MYO6: variants seen among roughly 807,000 people sequenced by gnomAD.
MYO6 encodes myosin VI.
A neutral mutation model predicts 178.7 loss-of-function variants in MYO6; 74 were observed. The observed-to-expected ratio is 0.41, with a 90% CI of 0.34 to 0.50. The LOEUF is 0.50. Ranked by LOEUF, MYO6 falls within the 20% of genes least tolerant of loss-of-function variation. MYO6 has a pLI of 0.09. For synonymous variants in MYO6, 477 were observed against 504.6 expected, an observed-to-expected ratio of 0.95 and a Z score of 0.73; for missense variants, 1,330 against 1,547.4, an observed-to-expected ratio of 0.86 and a Z score of 2.36.
intron 1 of MYO6, among the ~76,000 whole-genome samples, chr6:75,776,326 T>C (rs551432036): frequency 6.6e-6 from 1 of 152,326 alleles, no homozygotes; most frequent in East Asian, 1.9e-4. Context: ...GGTGGTAAGA[T>C]TGGGCTAGTC....
intron 1 of MYO6, among the ~76,000 whole-genome samples, chr6:75,772,283 G>C (rs1040179850): frequency 1.3e-5 from 2 of 152,018 alleles, no homozygotes; most frequent in African/African-American, 4.8e-5. Context: ...CGGAGATGTA[G>C]GTAGGCCATT....
chr6:75,772,795 A>G (rs771687240), intron 1 of MYO6, among the ~76,000 whole-genome samples: 44 of 152,336 alleles, frequency 2.9e-4, no homozygotes, highest in Non-Finnish European at 4.3e-4. Flanking sequence ...TGGAGATAAT[A>G]TTGGACCCTT....
At chr6:75,791,002 C>T (rs1768174924) in intron 1 of MYO6, among the ~76,000 whole-genome samples, 1 of 152,008 alleles carries the variant, frequency 6.6e-6, no homozygotes, top group African/African-American at 2.4e-5. Context: ...GGGTCAATGT[C>T]GGCTCACTGC....
intron 11 of MYO6, among the ~76,000 whole-genome samples, chr6:75,850,426 G>A (rs147242712): frequency 1.4e-3 from 214 of 152,334 alleles, no homozygotes; most frequent in Non-Finnish European, 1.7e-3. Flanking sequence ...AATGATGCAT[G>A]TGGTTATTGA....
chr6:75,805,669 A>T (rs1352158226), intron 1 of MYO6, among the ~76,000 whole-genome samples: 1 of 152,244 alleles, frequency 6.6e-6, no homozygotes, highest in South Asian at 2.1e-4. Flanking sequence ...TTAAAAATAC[A>T]TTATCAATTG....
At chr6:75,882,143 A>C (rs978590857) in intron 23 of MYO6, among the ~76,000 whole-genome samples, 3 of 152,108 alleles carry the variant, frequency 2.0e-5, no homozygotes, top group Non-Finnish European at 2.9e-5. Flanking sequence ...TTCTGCCTGC[A>C]TGGCATCTAC....
intron 6 of MYO6, 96 bp downstream of exon 6, chr6:75,833,043 G>A: frequency 1.2e-6 from 1 of 822,076 alleles, no homozygotes; most frequent in Non-Finnish European, 2.1e-6. Flanking sequence ...GTGGAATGCA[G>A]TGTCACCACC....
chr6:75,842,546 TAA>T (rs1179780862), intron 9 of MYO6, among the ~76,000 whole-genome samples: 1 of 152,206 alleles, frequency 6.6e-6, no homozygotes, highest in Non-Finnish European at 1.5e-5. Flanking sequence ...TTGCAAATTT[TAA>T]AAGTCTGTTG....
intron 1 of MYO6, among the ~76,000 whole-genome samples, chr6:75,757,311 CAT>C (rs1381715976): frequency 2.7e-5 from 4 of 148,000 alleles, no homozygotes; most frequent in Admixed American, 6.7e-5. Flanking sequence ...TATACACACA[CAT>C]ATACATATAG....
In MYO6 at chr6:75,886,913, G is replaced by T. The variant is rs774738147; in HGVS notation, c.2577G>T (p.Val859=). ...RLDKFNEVVS[V]LKDGKPEMNK... is the part of the protein sequence containing the mutation. ...ATAAATTTAATGAGGTAGTCAGTGT[G>T]TTGAAAGATGGAAAACCCGAGATGA... Residue 859 remains valine (V), a synonymous_variant, in exon 25 of 35, where the codon GTG becomes GTT. Coordinates refer to ENST00000369977, the MANE Select transcript of MYO6 (RefSeq NM_004999.4). 2 of 1,613,772 alleles carry T rather than the reference G, an allele frequency of 1.2e-6. No homozygotes were observed. Among genetic ancestry groups the T allele is most frequent in the South Asian group, 1.1e-5 (1 of 91,078 alleles).
chr6:75,822,774 C>T lies in MYO6; in HGVS notation c.118-8C>T. On this transcript the variant is annotated splice_region_variant and splice_polypyrimidine_tract_variant and intron_variant, in intron 2 of 34. Coordinates refer to ENST00000369977, the MANE Select transcript of MYO6 (RefSeq NM_004999.4). ...TTGAGTTTAATGAGCATTTGTTTTGCTTGTTAGACATTTTTGGCTCTCATA... is the reference window on the plus strand; with the variant it reads ...TTGAGTTTAATGAGCATTTGTTTTGTTTGTTAGACATTTTTGGCTCTCATA... 1 of 1,612,066 alleles carries T rather than the reference C, an allele frequency of 6.2e-7. No individual in the cohort carries two copies. Among genetic ancestry groups the T allele is most frequent in the Non-Finnish European group, 8.5e-7 (1 of 1,178,452 alleles).
chr6:75,883,654 AG>A (rs3842095), intron 23 of MYO6, among the ~76,000 whole-genome samples: 6,678 of 152,266 alleles, frequency 0.044, 240 homozygotes, highest in East Asian at 0.18. Context: ...AGGTCATAGC[AG>A]CTACATAGCT....
intron 1 of MYO6, among the ~76,000 whole-genome samples, chr6:75,773,021 CA>C (rs1398725196): frequency 6.6e-6 from 1 of 151,642 alleles, no homozygotes; most frequent in East Asian, 1.9e-4. Flanking sequence ...TTCTGATAGT[CA>C]AAAAAAGATG....
chr6:75,847,266 A>C (rs1288414086), intron 10 of MYO6, among the ~76,000 whole-genome samples: 1 of 152,144 alleles, frequency 6.6e-6, no homozygotes, highest in Admixed American at 6.5e-5. Context: ...CAGAAATGTT[A>C]CACATTCATA....
intron 7 of MYO6, among the ~76,000 whole-genome samples, chr6:75,839,379 G>A (rs12211167): frequency 0.06 from 9,086 of 151,910 alleles, 350 homozygotes; most frequent in Non-Finnish European, 0.083. Context: ...TAGTAGAGAC[G>A]GGGTTTCAAC....
At chr6:75,789,270 ACAT>A (rs1767988623) in intron 1 of MYO6, among the ~76,000 whole-genome samples, 1 of 152,224 alleles carries the variant, frequency 6.6e-6, no homozygotes, top group South Asian at 2.1e-4. Context: ...AAGTAATGAC[ACAT>A]CATCAAATGC....
At chr6:75,775,223 C>T (rs1284640297) in intron 1 of MYO6, among the ~76,000 whole-genome samples, 3 of 152,126 alleles carry the variant, frequency 2.0e-5, no homozygotes, top group Non-Finnish European at 1.5e-5. Context: ...ATAATCCTCC[C>T]GGGATTTGGG....
At chr6:75,889,719 T>G (rs1269158803) in intron 25 of MYO6, among the ~76,000 whole-genome samples, 2 of 152,198 alleles carry the variant, frequency 1.3e-5, no homozygotes, top group African/African-American at 4.8e-5. Flanking sequence ...GGCCTAGAAA[T>G]AATTTTTAAC....
intron 1 of MYO6, among the ~76,000 whole-genome samples, chr6:75,762,694 C>T (rs1300787187): frequency 6.6e-6 from 1 of 152,164 alleles, no homozygotes; most frequent in Admixed American, 6.5e-5. Flanking sequence ...GCTCCAGCCT[C>T]CGCTGCCAGT....
Sources: gnomAD v4.1 joint callset for allele counts (sites outside exome capture counted in the v4.1 genomes callset) on GRCh38, gnomAD v4.1.1 for gene constraint, MANE v1.5 for transcripts, NCBI Gene and HGNC (gene_info 2026-07-23, HGNC 2026-07-21) for gene names.